CLVS1: variants seen among roughly 807,000 people sequenced by gnomAD.
CLVS1 encodes clavesin-1.
Under a neutral mutation model 33.1 loss-of-function variants are expected in CLVS1, and 10 were observed. The ratio of observed to expected loss-of-function variants is 0.30; its 90% CI spans 0.19 to 0.51. The LOEUF (loss-of-function observed/expected upper bound fraction) is 0.51, where lower values mean the gene tolerates loss of function less well. Ranked by LOEUF, CLVS1 falls within the 20% of genes least tolerant of loss-of-function variation. The probability of loss-of-function intolerance (pLI) is 0.97; values close to 1 mark genes in which losing one functional copy is unlikely to be tolerated. For missense variants in CLVS1, 343 were observed against 433.4 expected, an observed-to-expected ratio of 0.79 and a Z score of 1.85; for synonymous variants, 163 against 166.1, an observed-to-expected ratio of 0.98 and a Z score of 0.14.
chr8:60,982,654 A>G, the CLVS1 span, among the ~76,000 whole-genome samples: 1 of 152,188 alleles, frequency 6.6e-6, no homozygotes, highest in East Asian at 1.9e-4. Context: ...AAGCCTTAGA[A>G]CTGGAATCCT....
chr8:61,063,163 C>A (rs1199571918), intron 1 of CLVS1, among the ~76,000 whole-genome samples: 2 of 151,842 alleles, frequency 1.3e-5, no homozygotes, highest in Non-Finnish European at 1.5e-5. Context: ...GCTCTCGCTC[C>A]CCTGGTGCAG....
intron 1 of CLVS1, among the ~76,000 whole-genome samples, chr8:61,116,346 T>C (rs1427877931): frequency 6.6e-6 from 1 of 152,246 alleles, no homozygotes; most frequent in African/African-American, 2.4e-5. Context: ...TGGTGGTTTC[T>C]TTTGCTGTGC....
chr8:61,226,765 G>A lies in CLVS1; in HGVS notation c.-151-72912G>A, dbSNP rs145314592. Reference sequence around the variant, plus strand: ...GCTGGGGAGGGAAGAGGGTCAAACTGGGGGGAAAGATAACTGGTTGCTATT... The same window carrying A: ...GCTGGGGAGGGAAGAGGGTCAAACTAGGGGGAAAGATAACTGGTTGCTATT... On this transcript the variant is annotated intron_variant, in intron 2 of 2. Coordinates refer to the CLVS1 transcript ENST00000522621. 4.3e-3 allele frequency among the ~76,000 whole-genome samples: 661 copies of A among 152,222 alleles called. 16 individuals carry two copies. The highest frequency in any genetic ancestry group is 0.04 in the Admixed American group (611 of 15,278).
At chr8:61,256,563 T>TA (rs1265529932) in intron 2 of CLVS1, among the ~76,000 whole-genome samples, 1 of 151,972 alleles carries the variant, frequency 6.6e-6, no homozygotes, top group African/African-American at 2.4e-5. Context: ...AATATTATTT[T>TA]AAAAACTAAC....
At chr8:60,974,338 C>G in the CLVS1 span, among the ~76,000 whole-genome samples, 2 of 152,152 alleles carry the variant, frequency 1.3e-5, no homozygotes, top group Non-Finnish European at 2.9e-5. Flanking sequence ...CCTCCAGAGT[C>G]CCATCCTCTT....
intron 1 of CLVS1, chr8:61,057,366 TCACACA>T (rs61415501): frequency 0.099 from 13,815 of 139,812 alleles, 766 homozygotes; most frequent in South Asian, 0.17. Context: ...TTAGCACACT[TCACACA>T]CACACACACA....
chr8:61,032,765 G>T, the CLVS1 span, among the ~76,000 whole-genome samples: 29 of 151,998 alleles, frequency 1.9e-4, no homozygotes, highest in Non-Finnish European at 3.2e-4. Flanking sequence ...GTGCTTTCTG[G>T]CTTCAAAATT....
chr8:61,051,892 A>G, the CLVS1 span, among the ~76,000 whole-genome samples: 15,102 of 152,250 alleles, frequency 0.099, 1,101 homozygotes, highest in African/African-American at 0.2. Flanking sequence ...TCCCACTCCC[A>G]GAATGTGATA....
intron 2 of CLVS1, among the ~76,000 whole-genome samples, chr8:61,136,842 A>C (rs184847804): frequency 6.6e-6 from 1 of 152,218 alleles, no homozygotes; most frequent in African/African-American, 2.4e-5. Flanking sequence ...AGTTAAAATA[A>C]ATGTTAAGAA....
chr8:61,405,933 A>G (rs1233491546), intron 3 of CLVS1, among the ~76,000 whole-genome samples: 1 of 152,238 alleles, frequency 6.6e-6, no homozygotes, highest in Non-Finnish European at 1.5e-5. Flanking sequence ...AATGACTGCT[A>G]TATAGAAATT....
intron 1 of CLVS1, among the ~76,000 whole-genome samples, chr8:61,071,796 C>G (rs1804801375): frequency 6.6e-6 from 1 of 152,178 alleles, no homozygotes; most frequent in Admixed American, 6.5e-5. Context: ...TAAGTACATG[C>G]AAATGCACAT....
the CLVS1 span, among the ~76,000 whole-genome samples, chr8:61,047,401 A>T: frequency 1.3e-5 from 2 of 152,210 alleles, no homozygotes; most frequent in African/African-American, 4.8e-5. Flanking sequence ...CAGTGTGGCG[A>T]TTCCTCAGGG....
chr8:61,033,031 AAGAAAGAAAG>A, the CLVS1 span, among the ~76,000 whole-genome samples: 2 of 122,096 alleles, frequency 1.6e-5, no homozygotes, highest in African/African-American at 3.2e-5. Flanking sequence ...GAAAGAAAGA[AAGAAAGAAAG>A]AAAGAAAAAG....
At chr8:61,331,581 A>G (rs1416555222) in intron 2 of CLVS1, among the ~76,000 whole-genome samples, 2 of 148,286 alleles carry the variant, frequency 1.3e-5, no homozygotes, top group African/African-American at 4.9e-5. Flanking sequence ...TTTTTGTTCT[A>G]TCTTCAGGAG....
chr8:61,187,312 T>C (rs1331700779), intron 2 of CLVS1, among the ~76,000 whole-genome samples: 1 of 152,158 alleles, frequency 6.6e-6, no homozygotes, highest in Admixed American at 6.6e-5. Flanking sequence ...GTAATAAAAA[T>C]TTGTTTTCAG....
intron 2 of CLVS1, among the ~76,000 whole-genome samples, chr8:61,257,172 A>G (rs961395837): frequency 3.9e-5 from 6 of 152,226 alleles, no homozygotes; most frequent in African/African-American, 1.4e-4. Context: ...ATGCTAACAA[A>G]TGCGTTAGCA....
intron 1 of CLVS1, among the ~76,000 whole-genome samples, chr8:61,297,732 A>C (rs1342981975): frequency 6.6e-6 from 1 of 152,134 alleles, no homozygotes; most frequent in African/African-American, 2.4e-5. Context: ...ACTAGCATTG[A>C]AGGTGTGAGC....
At chr8:61,155,692 C>T (rs1806634704) in intron 2 of CLVS1, among the ~76,000 whole-genome samples, 1 of 152,014 alleles carries the variant, frequency 6.6e-6, no homozygotes, top group African/African-American at 2.4e-5. Flanking sequence ...AAAAAATTGT[C>T]TTTTGTGGGG....
chr8:61,449,449 C>T lies in CLVS1; in HGVS notation c.631-4692C>T, dbSNP rs549334475. 4.6e-5 allele frequency among the ~76,000 whole-genome samples: 7 copies of T among 152,304 alleles called. No homozygotes were observed. The South Asian group carries it at 1.5e-3, about 32-fold the overall frequency. On this transcript the variant is annotated intron_variant, in intron 3 of 5. Coordinates refer to ENST00000325897, the MANE Select transcript of CLVS1 (RefSeq NM_173519.3). ...TGGCTCTCTACTTGGCCTTCTATAA[C>T]ATTACTCTGGCAGGGATGTTATGCA...
Sources: allele counts gnomAD v4.1 joint callset (sites outside exome capture counted in the v4.1 genomes callset), GRCh38; gene constraint gnomAD v4.1.1; transcripts MANE v1.5; gene names NCBI Gene and HGNC (gene_info 2026-07-23, HGNC 2026-07-21).